Variants in PTPRK observed in about 807,000 individuals in gnomAD.
The protein encoded by PTPRK is protein tyrosine phosphatase receptor type K.
Under a neutral mutation model 178.0 loss-of-function variants are expected in PTPRK, and 75 were observed. That is an observed-to-expected ratio of 0.42 (90% CI 0.35 to 0.51). PTPRK has a LOEUF of 0.51. PTPRK is among the 20% of genes least tolerant of loss of function. The probability of loss-of-function intolerance (pLI) is 0.02; values close to 1 mark genes in which losing one functional copy is unlikely to be tolerated. For missense variants in PTPRK, 1,441 were observed against 1,797.8 expected (o/e 0.80, Z 3.59); for synonymous variants, 637 against 620.6 (o/e 1.03, Z -0.39).
At position 127,971,234 on chromosome 6, in the gene PTPRK, GACCATATCATAA is replaced by G. The variant is rs530542149; in HGVS notation, c.4270-966_4270-955del. Among the ~76,000 whole-genome samples the G allele has an allele frequency of 1.8e-3, 268 of 152,230 alleles. 1 individual carries two copies. Among genetic ancestry groups the G allele is most frequent in the Middle Eastern group, 6.8e-3 (2 of 294 alleles). ...TAATAAGAATTTAGAAAAATTCAGAGACCATATCATAAACTATTACTTATAATATGCAATTCA... is the reference window on the plus strand; with the variant it reads ...TAATAAGAATTTAGAAAAATTCAGAGACTATTACTTATAATATGCAATTCA... On this transcript the variant is annotated intron_variant, in intron 29 of 29. Transcript: ENST00000368226.
intron 7 of PTPRK, among the ~76,000 whole-genome samples, chr6:128,140,551 C>G (rs528662362): frequency 2.6e-5 from 4 of 151,740 alleles, no homozygotes; most frequent in Non-Finnish European, 4.4e-5. Flanking sequence ...CTGATCTGTA[C>G]GTAGGTAATT....
chr6:128,446,010 A>G (rs1439578675), intron 1 of PTPRK, among the ~76,000 whole-genome samples: 1 of 152,126 alleles, frequency 6.6e-6, no homozygotes, highest in Non-Finnish European at 1.5e-5. Context: ...TCTCACCAAA[A>G]GGCATGTTAA....
chr6:128,439,249 T>TG (rs938946478), intron 1 of PTPRK, among the ~76,000 whole-genome samples: 2 of 151,792 alleles, frequency 1.3e-5, no homozygotes, highest in African/African-American at 2.4e-5. Context: ...AGTGGTGGGG[T>TG]GGGGGGCTAT....
chr6:128,156,485 G>A (rs1478019924), intron 7 of PTPRK, among the ~76,000 whole-genome samples: 2 of 151,808 alleles, frequency 1.3e-5, no homozygotes, highest in East Asian at 1.9e-4. Flanking sequence ...TGGAGCAAGA[G>A]AGAGAGAGAG....
chr6:128,073,947 T>A (rs1011605025), intron 11 of PTPRK, among the ~76,000 whole-genome samples: 1 of 152,028 alleles, frequency 6.6e-6, no homozygotes, highest in Admixed American at 6.6e-5. Flanking sequence ...AACTATTTGA[T>A]ATCTTTAAAT....
At chr6:128,134,126 A>G (rs995119063) in intron 7 of PTPRK, among the ~76,000 whole-genome samples, 3 of 152,202 alleles carry the variant, frequency 2.0e-5, no homozygotes, top group Non-Finnish European at 2.9e-5. Flanking sequence ...ATTTGTGAGG[A>G]AGGATATATT....
chr6:128,486,729 G>C (rs1275163170), intron 1 of PTPRK, among the ~76,000 whole-genome samples: 1 of 151,950 alleles, frequency 6.6e-6, no homozygotes, highest in Non-Finnish European at 1.5e-5. Flanking sequence ...AGTGAGCTGA[G>C]ATCGTGCCAC....
At chr6:128,110,639 A>G (rs186133506) in intron 7 of PTPRK, among the ~76,000 whole-genome samples, 1 of 152,276 alleles carries the variant, frequency 6.6e-6, no homozygotes. Flanking sequence ...AAATGTCAAT[A>G]TAGATATTTC....
intron 10 of PTPRK, 133 bp downstream of exon 10, chr6:128,082,304 C>T (rs1784966111): frequency 2.6e-6 from 2 of 762,692 alleles, no homozygotes; most frequent in Admixed American, 2.5e-5. Context: ...AAAGTGCTTT[C>T]ATTTATGCAT....
chr6:128,154,768 T>C (rs758784181), intron 7 of PTPRK, among the ~76,000 whole-genome samples: 3 of 151,796 alleles, frequency 2.0e-5, no homozygotes, highest in Non-Finnish European at 3.0e-5. Flanking sequence ...GTTACTTACA[T>C]AGTGATGAAA....
chr6:128,333,494 G>T (rs1200335105), intron 2 of PTPRK, among the ~76,000 whole-genome samples: 1 of 151,690 alleles, frequency 6.6e-6, no homozygotes, highest in Non-Finnish European at 1.5e-5. Context: ...TAAAAAAAAG[G>T]TATATAAGAT....
chr6:128,020,370 A>C (rs1280310035), intron 13 of PTPRK, among the ~76,000 whole-genome samples: 1 of 152,202 alleles, frequency 6.6e-6, no homozygotes, highest in African/African-American at 2.4e-5. Context: ...ACCTGACCCA[A>C]AATGAAATTG....
chr6:127,971,352 T>C (rs777094204), intron 29 of PTPRK, among the ~76,000 whole-genome samples: 2 of 152,210 alleles, frequency 1.3e-5, no homozygotes, highest in South Asian at 2.1e-4. Context: ...TATTTTGGAA[T>C]AGAAGTTCGA....
intron 7 of PTPRK, among the ~76,000 whole-genome samples, chr6:128,169,690 T>C (rs1196535373): frequency 2.0e-5 from 3 of 151,988 alleles, no homozygotes; most frequent in East Asian, 1.9e-4. Context: ...GGCTAAAAAA[T>C]GCTTAATACA....
At chr6:128,133,886 ATGT>A (rs1195147339) in intron 7 of PTPRK, among the ~76,000 whole-genome samples, 3 of 152,108 alleles carry the variant, frequency 2.0e-5, no homozygotes, top group African/African-American at 7.2e-5. Flanking sequence ...AAATACACTG[ATGT>A]TGTGGGCCCT....
chr6:128,266,110 G>A (rs1818905635), intron 3 of PTPRK, among the ~76,000 whole-genome samples: 1 of 152,054 alleles, frequency 6.6e-6, no homozygotes, highest in African/African-American at 2.4e-5. Flanking sequence ...TCCAGTTTAT[G>A]GCATTTTGCT....
chr6:128,359,961 A>G (rs1306215628), intron 2 of PTPRK, among the ~76,000 whole-genome samples: 4 of 152,098 alleles, frequency 2.6e-5, no homozygotes, highest in African/African-American at 9.7e-5. Context: ...TTTCCACTGT[A>G]TTAGTTCAAT....
chr6:128,489,583 A>C lies in PTPRK; in HGVS notation c.100+30676T>G, dbSNP rs138797093. Among the ~76,000 whole-genome samples the C allele has an allele frequency of 2.4e-3, 368 of 152,372 alleles. 3 individuals are homozygous for C. Among genetic ancestry groups the C allele is most frequent in the African/African-American group, 8.2e-3 (341 of 41,592 alleles). ...ATAAAATTAAGGAAAATATAAAATC[A>C]ATAAAATCTAATTTTATTCTTTTCA... On this transcript the variant is annotated intron_variant, in intron 1 of 29. Transcript: ENST00000368226.
Position 127,976,654 on chromosome 6 carries a change from T to C in PTPRK, c.3969+3A>G. ...CAGCTCAAAGGATCCGATAGTGACT[T>C]ACTCTTGTTAGATTGCATATCCTAA... On this transcript the variant is annotated splice_donor_region_variant and intron_variant, in intron 27 of 29. Coordinates refer to ENST00000368226, the MANE Select transcript of PTPRK (RefSeq NM_002844.4). 1 of 1,614,072 alleles carries C rather than the reference T, an allele frequency of 6.2e-7. No individual in the cohort carries two copies. The highest frequency in any genetic ancestry group is 8.5e-7 in the Non-Finnish European group (1 of 1,179,980).
Sources: gnomAD v4.1 joint callset for allele counts (sites outside exome capture counted in the v4.1 genomes callset) on GRCh38, gnomAD v4.1.1 for gene constraint, MANE v1.5 for transcripts, NCBI Gene and HGNC (gene_info 2026-07-23, HGNC 2026-07-21) for gene names.